The following TNC variants were observed in gnomAD, a reference collection of about 807,000 sequenced individuals.
TNC encodes tenascin C.
Under a neutral mutation model 202.4 loss-of-function variants are expected in TNC, and 109 were observed. The ratio of observed to expected loss-of-function variants is 0.54; its 90% CI spans 0.46 to 0.63. The LOEUF is 0.63. Among genes scored for constraint, TNC ranks in the 30% least tolerant of loss-of-function variants. The pLI, the probability that TNC is intolerant of heterozygous loss-of-function variation, is 0.00. For synonymous variants in TNC, 1,007 were observed against 1,089.7 expected (o/e 0.92, Z 1.50); for missense variants, 2,756 against 2,833.3 (o/e 0.97, Z 0.62).
chr9:115,091,175 A>G, intron 1 of TNC, 21 bp from the exon 2 acceptor site: 2 of 626,710 alleles, frequency 3.2e-6, no homozygotes, highest in East Asian at 5.5e-5. Flanking sequence ...AGATGAACAA[A>G]AAAATTATGA....
intron 11 of TNC, 48 bp from the exon 12 acceptor site, chr9:115,064,116 A>T (rs1287056717): frequency 6.6e-7 from 1 of 1,514,222 alleles, no homozygotes; most frequent in Admixed American, 2.2e-5. Flanking sequence ...ACACAACAAG[A>T]TCCAGGGAAT....
Position 115,030,255 on chromosome 9 carries a change from A to G in TNC, c.6071T>C (p.Ile2024Thr). Residue 2024 changes from isoleucine to threonine, a missense_variant and splice_region_variant, in exon 24 of 28, where the codon ATT (isoleucine) becomes ACT (threonine). Coordinates refer to ENST00000350763, the MANE Select transcript of TNC (RefSeq NM_002160.4). Reference sequence around the variant, plus strand: ...TCTGCAGTCCCTGGTGGTACTCACAATCCATCCACCCCCATCAGAGGTCAT... The same window carrying G: ...TCTGCAGTCCCTGGTGGTACTCACAGTCCATCCACCCCCATCAGAGGTCAT... ...CDMTSDGGGW[I>T]VFLRRKNGRE... 1 of 1,607,596 alleles carries G rather than the reference A, an allele frequency of 6.2e-7. No individual in the cohort carries two copies. Among genetic ancestry groups the G allele is most frequent in the Admixed American group, 1.7e-5 (1 of 59,904 alleles).
chr9:115,062,783 A>T, intron 13 of TNC, 134 bp downstream of exon 13: 3 of 1,014,998 alleles, frequency 3.0e-6, no homozygotes, highest in Non-Finnish European at 4.2e-6. Context: ...TCCAACACAG[A>T]CCTTCCTGAG....
chr9:115,022,884 T>C (rs1829187846), intron 27 of TNC, among the ~76,000 whole-genome samples: 1 of 152,162 alleles, frequency 6.6e-6, no homozygotes. Context: ...GCAGGTGTCA[T>C]TTGCTAGCAG....
At chr9:115,029,168 G>T (rs1329498046) in intron 25 of TNC, among the ~76,000 whole-genome samples, 192 bp downstream of exon 25, 1 of 151,578 alleles carries the variant, frequency 6.6e-6, no homozygotes. Context: ...GATACTTTTT[G>T]GTTTACATTT....
Position 115,063,819 on chromosome 9 carries a change from G to C in TNC, c.3737C>G (p.Pro1246Arg). 1 of 1,613,602 alleles carries C rather than the reference G, an allele frequency of 6.2e-7. No individual in the cohort carries two copies. Among genetic ancestry groups the C allele is most frequent in the South Asian group, 1.1e-5 (1 of 91,058 alleles). The stretch of plus-strand genomic sequence containing the variant: ...ACCTGTCAAGACTTCAACAGAGAGA[G>C]GGGTTGTGCTGAAGTCCTGAGTGAC... ...RGVTQDFSTT[P>R]LSVEVLTEEV... The change falls in exon 12 of 28, where the codon CCT (proline) becomes CGT (arginine). Residue 1246 changes from proline (P) to arginine (R), a missense_variant. Pro to Arg is a moderately radical substitution (Grantham distance 103). This residue lies in a region of TNC where 2,559 missense variants were observed against 2,546.0 expected (regional missense o/e 1.01). Transcript: ENST00000350763.
chr9:115,106,937 G>T (rs1836662076), intron 1 of TNC, among the ~76,000 whole-genome samples: 1 of 152,138 alleles, frequency 6.6e-6, no homozygotes, highest in Non-Finnish European at 1.5e-5. Flanking sequence ...CAAGAAATTA[G>T]CCAGAGAGAA....
chr9:115,025,585 G>C (rs545088423), intron 26 of TNC, among the ~76,000 whole-genome samples: 2 of 151,936 alleles, frequency 1.3e-5, no homozygotes, highest in African/African-American at 4.8e-5. Context: ...GAACATTGTC[G>C]GATGCAGTTT....
At chr9:115,040,701 T>C (rs937511852) in intron 19 of TNC, among the ~76,000 whole-genome samples, 2 of 152,076 alleles carry the variant, frequency 1.3e-5, no homozygotes, top group Non-Finnish European at 2.9e-5. Flanking sequence ...GTCCAGGAAA[T>C]GGAGGCCCAA....
intron 7 of TNC, among the ~76,000 whole-genome samples, chr9:115,077,527 T>G (rs1833969416): frequency 6.6e-6 from 1 of 152,266 alleles, no homozygotes. Context: ...AAGTACTTAC[T>G]GAGCTCTGAA....
chr9:115,036,294 G>T, intron 20 of TNC, 53 bp from the exon 21 acceptor site: 1 of 1,598,032 alleles, frequency 6.3e-7, no homozygotes, highest in South Asian at 1.1e-5. Context: ...TCTGAGCCAT[G>T]AGTGGGCTTG....
At chr9:115,024,912 C>T (rs1359525207) in intron 26 of TNC, among the ~76,000 whole-genome samples, 2 of 152,208 alleles carry the variant, frequency 1.3e-5, no homozygotes, top group Admixed American at 6.5e-5. Context: ...TGTGCACAAA[C>T]ATTTCAAGAC....
chr9:115,082,242 A>T (rs914720185), intron 5 of TNC, among the ~76,000 whole-genome samples: 1 of 152,310 alleles, frequency 6.6e-6, no homozygotes, highest in Admixed American at 6.5e-5. Flanking sequence ...GCATCAGAGG[A>T]GTAGGGTGAT....
chr9:115,061,518 T>A (rs1446333036), intron 13 of TNC, among the ~76,000 whole-genome samples: 2 of 152,248 alleles, frequency 1.3e-5, no homozygotes, highest in Non-Finnish European at 2.9e-5. Flanking sequence ...TCAAAGGCCC[T>A]TTTTGCTCTT....
rs192122949 is a variant in TNC, at chr9:115,104,633, A to G, written c.-137+13349T>C. ...AGGCAGTGAATGGGACAACAAAGCT[A>G]TAAGTGCCTGACATATTAATAATAA... On this transcript the variant is annotated intron_variant, in intron 1 of 27. Coordinates refer to ENST00000350763, the MANE Select transcript of TNC (RefSeq NM_002160.4). 1.3e-4 allele frequency among the ~76,000 whole-genome samples: 20 copies of G among 152,358 alleles called. 1 individual carries two copies. Among genetic ancestry groups the G allele is most frequent in the South Asian group, 6.2e-4 (3 of 4,830 alleles).
At chr9:115,089,291 G>A (rs2133601639) in intron 2 of TNC, among the ~76,000 whole-genome samples, 1 of 152,260 alleles carries the variant, frequency 6.6e-6, no homozygotes, top group East Asian at 1.9e-4. Flanking sequence ...TTTTCTGAGT[G>A]GCAGAAACAG....
At chr9:115,042,145 T>G in intron 18 of TNC, 74 bp downstream of exon 18, 1 of 1,543,210 alleles carries the variant, frequency 6.5e-7, no homozygotes, top group Non-Finnish European at 8.8e-7. Context: ...GGATGAAAAT[T>G]ATCAGGGTCT....
intron 25 of TNC, 73 bp from the exon 26 acceptor site, chr9:115,026,768 A>C: frequency 6.7e-7 from 1 of 1,501,064 alleles, no homozygotes; most frequent in South Asian, 1.2e-5. Flanking sequence ...ACTCTGTAAA[A>C]GCGGCAACTG....
chr9:115,076,665 C>T, intron 7 of TNC, 90 bp from the exon 8 acceptor site: 1 of 1,421,450 alleles, frequency 7.0e-7, no homozygotes, highest in Non-Finnish European at 9.6e-7. Flanking sequence ...TGAAACGTGC[C>T]TGGAACTGGA....
Sources: gnomAD v4.1 joint callset for allele counts (sites outside exome capture counted in the v4.1 genomes callset) on GRCh38, gnomAD v4.1.1 for gene constraint, gnomAD v4.1.1 regional missense constraint, MANE v1.5 for transcripts, NCBI Gene and HGNC (gene_info 2026-07-23, HGNC 2026-07-21) for gene names.